Variants in AGBL1 observed in about 807,000 individuals in gnomAD.
The protein encoded by AGBL1 is cytosolic carboxypeptidase 4.
In AGBL1, 130 loss-of-function variants were observed where a neutral mutation model predicts 118.9. That is an observed-to-expected ratio of 1.09 (90% CI 0.95 to 1.26). The LOEUF is 1.26. Ranked by LOEUF, AGBL1 falls within the 50% of genes most tolerant of loss-of-function variation. The probability of loss-of-function intolerance (pLI) is 0.00; values close to 1 mark genes in which losing one functional copy is unlikely to be tolerated. For missense variants in AGBL1, 1,584 were observed against 1,298.1 expected (o/e 1.22, Z -3.38); for synonymous variants, 555 against 478.9 (o/e 1.16, Z -2.08).
intron 21 of AGBL1, among the ~76,000 whole-genome samples, chr15:86,644,627 G>A (rs1224029649): frequency 6.9e-6 from 1 of 144,154 alleles, no homozygotes; most frequent in Non-Finnish European, 1.5e-5. Flanking sequence ...AAAACAATTG[G>A]CCTGAACTCA....
At chr15:86,392,837 C>A (rs900246410) in intron 17 of AGBL1, among the ~76,000 whole-genome samples, 2 of 152,030 alleles carry the variant, frequency 1.3e-5, no homozygotes, top group African/African-American at 4.8e-5. Flanking sequence ...TTATTAATTG[C>A]AGAAAAAAAT....
At chr15:86,465,326 A>G (rs1022826757) in intron 18 of AGBL1, among the ~76,000 whole-genome samples, 1 of 152,122 alleles carries the variant, frequency 6.6e-6, no homozygotes, top group Non-Finnish European at 1.5e-5. Flanking sequence ...CTGAGGATGT[A>G]TGTCACCTCA....
rs1309972959 is a variant in AGBL1 at position 86,689,179 on chromosome 15, C to T, written c.3158+14743C>T. On this transcript the variant is annotated intron_variant, in intron 22 of 22. Transcript: ENST00000614907. ...TTAAAATTTGTCACTAGTTGTTCCT[C>T]TGTCTGGCATGCATTTTCTACAGAT... is the stretch of plus-strand genomic sequence containing the variant. Among the ~76,000 whole-genome samples, 8 of 152,114 alleles carry T rather than the reference C, an allele frequency of 5.3e-5. No homozygotes were observed. In the East Asian group the frequency reaches 1.3e-3, roughly 26 times the overall value.
intron 22 of AGBL1, among the ~76,000 whole-genome samples, chr15:86,711,012 T>A (rs1377800708): frequency 6.6e-6 from 1 of 152,158 alleles, no homozygotes; most frequent in Non-Finnish European, 1.5e-5. Flanking sequence ...ATGGGATGAT[T>A]TTTCTCACTA....
At position 86,615,208 on chromosome 15, in the gene AGBL1, C is replaced by A. The variant is rs141021104; in HGVS notation, c.2995-59065C>A. Among the ~76,000 whole-genome samples, 5 of 151,980 alleles carry A rather than the reference C, an allele frequency of 3.3e-5. No homozygotes were observed. The highest frequency in any genetic ancestry group is 1.9e-4 in the East Asian group (1 of 5,188). On this transcript the variant is annotated intron_variant, in intron 21 of 22. Transcript: ENST00000614907. This position sits in a 1 kb window ranked among gnomAD's most constrained non-coding sequence, Gnocchi z 4.3. ...CTTCCAGATGCCTCTGCCAGCAATGCGGGAGATTAATTCTAGCATTGGAAG... is the reference window on the plus strand; with the variant it reads ...CTTCCAGATGCCTCTGCCAGCAATGAGGGAGATTAATTCTAGCATTGGAAG...
intron 7 of AGBL1, among the ~76,000 whole-genome samples, chr15:86,253,273 T>A (rs1405474939): frequency 1.3e-5 from 2 of 152,112 alleles, no homozygotes; most frequent in Non-Finnish European, 2.9e-5. Context: ...TGTTTTGAGA[T>A]GGAGTCTCGC....
At chr15:86,432,135 T>C (rs145030338) in intron 18 of AGBL1, among the ~76,000 whole-genome samples, 1 of 152,346 alleles carries the variant, frequency 6.6e-6, no homozygotes, top group Non-Finnish European at 1.5e-5. Context: ...TGAGTCCAGC[T>C]TGCCCTGGGA....
intron 1 of AGBL1, among the ~76,000 whole-genome samples, chr15:86,085,423 C>T (rs1383054916): frequency 6.6e-6 from 1 of 152,190 alleles, no homozygotes; most frequent in South Asian, 2.1e-4. Context: ...TGGCAAGCTT[C>T]AGGTCCAACC....
chr15:86,142,949 T>A (rs1322117673), intron 2 of AGBL1, among the ~76,000 whole-genome samples: 3 of 152,210 alleles, frequency 2.0e-5, no homozygotes, highest in Non-Finnish European at 4.4e-5. Flanking sequence ...CAGATGGTCG[T>A]CTTTGATAAT....
chr15:86,357,415 TGATAACCCA>T lies in AGBL1; in HGVS notation c.2375-39946_2375-39938del, dbSNP rs550872839. Among the ~76,000 whole-genome samples, 101 of 152,314 alleles carry T rather than the reference TGATAACCCA, an allele frequency of 6.6e-4. 2 individuals carry two copies. The South Asian group carries it at 0.019, about 29-fold the overall frequency. ...CGCAACATTGGAGTGGGCTTGTGCT[TGATAACCCA>T]GATATTAAAATTCACTGTTTCTATC... is the stretch of plus-strand genomic sequence containing the variant. On this transcript the variant is annotated intron_variant, in intron 17 of 22. Coordinates refer to ENST00000614907, the MANE Select transcript of AGBL1 (RefSeq NM_001386094.1).
At chr15:86,264,050 C>A (rs150489237) in intron 10 of AGBL1, among the ~76,000 whole-genome samples, 21 of 152,238 alleles carry the variant, frequency 1.4e-4, no homozygotes, top group Admixed American at 2.0e-4. Context: ...GGACTAGACC[C>A]ACCAAAAGCC....
At chr15:86,683,621 T>G (rs1362769116) in intron 22 of AGBL1, among the ~76,000 whole-genome samples, 1 of 152,114 alleles carries the variant, frequency 6.6e-6, no homozygotes, top group Non-Finnish European at 1.5e-5. Context: ...CTCAACCAAA[T>G]GAACGGCAGG....
chr15:86,589,789 A>G lies in AGBL1; in HGVS notation c.2994+35252A>G, dbSNP rs116539007. Among the ~76,000 whole-genome samples, 483 of 152,036 alleles carry G rather than the reference A, an allele frequency of 3.2e-3. 2 individuals are homozygous for G. Among genetic ancestry groups the G allele is most frequent in the African/African-American group, 0.011 (458 of 41,430 alleles). On this transcript the variant is annotated intron_variant, in intron 21 of 22. Transcript: ENST00000614907. ...ATTAGTCTACTTCTTTATCTAATCT[A>G]TCATTTCTCTATCTGTCCACACATA...
intron 18 of AGBL1, among the ~76,000 whole-genome samples, chr15:86,505,852 A>C (rs1406108348): frequency 2.0e-5 from 3 of 151,830 alleles, no homozygotes; most frequent in Non-Finnish European, 4.4e-5. Flanking sequence ...ATATCTCATA[A>C]ATTTTTTGCT....
At chr15:86,282,224 A>G (rs2079365992) in intron 16 of AGBL1, among the ~76,000 whole-genome samples, 1 of 152,162 alleles carries the variant, frequency 6.6e-6, no homozygotes, top group Non-Finnish European at 1.5e-5. Context: ...TTAAAGGGAA[A>G]CAAAACACAC....
chr15:86,356,701 G>GT (rs991956592), intron 17 of AGBL1, among the ~76,000 whole-genome samples: 8 of 152,182 alleles, frequency 5.3e-5, no homozygotes, highest in African/African-American at 1.9e-4. Context: ...CCTGAGACAA[G>GT]TTTTTTGAGT....
chr15:86,498,434 C>A (rs2082879816), intron 18 of AGBL1, among the ~76,000 whole-genome samples: 1 of 151,784 alleles, frequency 6.6e-6, no homozygotes, highest in Non-Finnish European at 1.5e-5. Flanking sequence ...CAAAAATTTT[C>A]CTCTATGACA....
rs927315735 is a variant in AGBL1, at chr15:86,176,499, C to T, written c.488+17473C>T. ...TCAGCTCCCTTTGTCCTGGAGAAAG[C>T]TTCCCTGGTGCACTGCACTGCCATT... On this transcript the variant is annotated intron_variant, in intron 5 of 22. Transcript: ENST00000614907. 7.9e-5 allele frequency among the ~76,000 whole-genome samples: 12 copies of T among 152,204 alleles called. 1 individual carries two copies. The highest frequency in any genetic ancestry group is 2.9e-4 in the African/African-American group (12 of 41,456).
intron 23 of AGBL1, among the ~76,000 whole-genome samples, chr15:86,962,924 A>G (rs2081007807): frequency 6.6e-6 from 1 of 152,102 alleles, no homozygotes; most frequent in Non-Finnish European, 1.5e-5. Context: ...TATGAATATC[A>G]CACATTTCTG....
Sources: gnomAD v4.1 joint callset for allele counts (sites outside exome capture counted in the v4.1 genomes callset) on GRCh38, gnomAD v4.1.1 for gene constraint, Gnocchi (gnomAD v3.1) non-coding constraint, MANE v1.5 for transcripts, NCBI Gene and HGNC (gene_info 2026-07-23, HGNC 2026-07-21) for gene names.